The following TCF7L1 variants were observed in gnomAD, a reference collection of about 807,000 sequenced individuals.
The protein encoded by TCF7L1 is transcription factor 7-like 1.
In TCF7L1, 18 loss-of-function variants were observed where a neutral mutation model predicts 63.7. That is an observed-to-expected ratio of 0.28 (90% CI 0.20 to 0.42). The LOEUF (loss-of-function observed/expected upper bound fraction) is 0.42. Among genes scored for constraint, TCF7L1 ranks in the 10% least tolerant of loss-of-function variants. The pLI is 1.00. For missense variants in TCF7L1, 654 were observed against 779.3 expected, an observed-to-expected ratio of 0.84 and a Z score of 1.91; for synonymous variants, 355 against 340.9, an observed-to-expected ratio of 1.04 and a Z score of -0.46.
At chr2:85,267,437 G>A (rs1044146751) in intron 3 of TCF7L1, among the ~76,000 whole-genome samples, 2 of 151,682 alleles carry the variant, frequency 1.3e-5, no homozygotes, top group Admixed American at 1.3e-4. Context: ...ATCACTTGAG[G>A]TCAGGAGTTC....
At chr2:85,226,338 T>A (rs572914904) in intron 3 of TCF7L1, among the ~76,000 whole-genome samples, 2 of 152,274 alleles carry the variant, frequency 1.3e-5, no homozygotes, top group East Asian at 3.9e-4. Context: ...TTGGAATAGT[T>A]TCAGAAGGAA....
chr2:85,155,340 C>T (rs1678119251), intron 3 of TCF7L1, among the ~76,000 whole-genome samples: 1 of 152,236 alleles, frequency 6.6e-6, no homozygotes, highest in African/African-American at 2.4e-5. Flanking sequence ...CAGCCAGCAG[C>T]AGCAGCAACG....
At chr2:85,188,316 G>A (rs1375091123) in intron 3 of TCF7L1, among the ~76,000 whole-genome samples, 1 of 152,192 alleles carries the variant, frequency 6.6e-6, no homozygotes, top group East Asian at 1.9e-4. Context: ...AAAGTTCTGT[G>A]GAGTGTGCCA....
rs756729862 is a variant in TCF7L1, at chr2:85,306,243, A to C, written c.1027A>C (p.Lys343Gln). ...CACCGTGAAAAAGGAGGAGGAAAAGAAGCCCCACGTGAAGAAGCCTCTGAA... is the reference window on the plus strand; with the variant it reads ...CACCGTGAAAAAGGAGGAGGAAAAGCAGCCCCACGTGAAGAAGCCTCTGAA... ...PVTVKKEEEK[K>Q]PHVKKPLNAF... is the part of the protein sequence containing the mutation. The change falls in exon 9 of 12, where the codon AAG (lysine) becomes CAG (glutamine). Residue 343 changes from lysine (K) to glutamine (Q), a missense_variant. By Grantham distance (53) the Lys-to-Gln change is moderately conservative. Around this residue, in one of 3 missense-constraint regions of TCF7L1, gnomAD observed 66 missense variants for 120.5 expected, o/e 0.55. Coordinates refer to ENST00000282111, the MANE Select transcript of TCF7L1 (RefSeq NM_031283.3). The surrounding 1 kb of genome is among the most constrained non-coding windows in gnomAD (Gnocchi z 4.3). The C allele has an allele frequency of 8.1e-6, 13 of 1,614,108 alleles. No homozygotes were observed. Among genetic ancestry groups the C allele is most frequent in the Admixed American group, 1.7e-5 (1 of 60,012 alleles).
Position 85,232,052 on chromosome 2 carries a change from G to A in TCF7L1, c.442-51443G>A, listed in dbSNP as rs74418251. ...GGGTGTCATTTCTCATTGTCACACC[G>A]TTGAGAGTCCAGATCTTCATCATGT... On this transcript the variant is annotated intron_variant, in intron 3 of 11. Transcript: ENST00000282111. 4.7e-3 allele frequency among the ~76,000 whole-genome samples: 717 copies of A among 152,256 alleles called. 2 individuals are homozygous for A. Among genetic ancestry groups the A allele is most frequent in the Non-Finnish European group, 7.3e-3 (495 of 68,020 alleles).
At chr2:85,267,599 A>G (rs1681008139) in intron 3 of TCF7L1, among the ~76,000 whole-genome samples, 1 of 151,104 alleles carries the variant, frequency 6.6e-6, no homozygotes, top group Non-Finnish European at 1.5e-5. Flanking sequence ...CAGTGAGCCA[A>G]GATCGCACCA....
intron 8 of TCF7L1, 82 bp downstream of exon 8, chr2:85,305,485 T>G: frequency 6.8e-7 from 1 of 1,480,092 alleles, no homozygotes; most frequent in Non-Finnish European, 9.0e-7. Context: ...GCAAATGTCA[T>G]GTACTCTTCT....
intron 3 of TCF7L1, among the ~76,000 whole-genome samples, chr2:85,152,435 C>CTTTTTTT (rs67994195): frequency 7.6e-6 from 1 of 131,346 alleles, no homozygotes; most frequent in Non-Finnish European, 1.6e-5. Flanking sequence ...TTCTCTCTCT[C>CTTTTTTT]TCTTTTTTTT....
At chr2:85,199,144 A>G (rs1236142835) in intron 3 of TCF7L1, among the ~76,000 whole-genome samples, 1 of 152,140 alleles carries the variant, frequency 6.6e-6, no homozygotes, top group Admixed American at 6.5e-5. Context: ...GGGTGTCCCT[A>G]ATGTCCATGA....
In TCF7L1 at chr2:85,207,426, C is replaced by T. The variant is rs182966946; in HGVS notation, c.441+72976C>T. ...CAGGTTCCTCCTTTTTCCTTTCTCA[C>T]AGCACCCTTGGCACTTATCTGAAAC... is the stretch of plus-strand genomic sequence containing the variant. On this transcript the variant is annotated intron_variant, in intron 3 of 11. Coordinates refer to ENST00000282111, the MANE Select transcript of TCF7L1 (RefSeq NM_031283.3). Among the ~76,000 whole-genome samples, 267 of 152,220 alleles carry T rather than the reference C, an allele frequency of 1.8e-3. 2 individuals carry two copies. Among genetic ancestry groups the T allele is most frequent in the South Asian group, 8.3e-3 (40 of 4,814 alleles).
chr2:85,298,502 A>G (rs867466418), intron 4 of TCF7L1, among the ~76,000 whole-genome samples: 4 of 126,978 alleles, frequency 3.2e-5, no homozygotes, highest in Non-Finnish European at 5.1e-5. Flanking sequence ...AAAAAAAAAA[A>G]GCATGTGAGA....
intron 3 of TCF7L1, among the ~76,000 whole-genome samples, chr2:85,260,141 A>T (rs1357059092): frequency 6.6e-6 from 1 of 152,196 alleles, no homozygotes; most frequent in East Asian, 1.9e-4. Flanking sequence ...ATTAAGGCAA[A>T]CACTGCTTCA....
Position 85,229,020 on chromosome 2 carries a change from CA to C in TCF7L1, c.442-54456del, listed in dbSNP as rs1182542916. 3.7e-3 allele frequency among the ~76,000 whole-genome samples: 214 copies of C among 57,356 alleles called. 3 individuals are homozygous for C. Among genetic ancestry groups the C allele is most frequent in the Non-Finnish European group, 4.7e-3 (123 of 26,038 alleles). The allele number at this position is 57,356 out of a possible 152,430, so 37.6% of individuals were successfully genotyped here. A position where few individuals can be genotyped will look rare whatever the true frequency, so the allele number is the denominator to read the frequency against. ...TGGGCGACAGAGAGAGACTCTGTCT[CA>C]AAAAAAAAAAAAAAAAAAGAAAGGA... is the stretch of plus-strand genomic sequence containing the variant. On this transcript the variant is annotated intron_variant, in intron 3 of 11. Coordinates refer to ENST00000282111, the MANE Select transcript of TCF7L1 (RefSeq NM_031283.3).
At chr2:85,290,244 G>C (rs922656566) in intron 4 of TCF7L1, among the ~76,000 whole-genome samples, 51 of 152,168 alleles carry the variant, frequency 3.4e-4, no homozygotes, top group Non-Finnish European at 4.7e-4. Flanking sequence ...GCCTCCCAAA[G>C]TGCTGGAATT....
chr2:85,192,900 G>A (rs1456425412), intron 3 of TCF7L1, among the ~76,000 whole-genome samples: 1 of 151,736 alleles, frequency 6.6e-6, no homozygotes, highest in Non-Finnish European at 1.5e-5. Flanking sequence ...TGTTGCCCAG[G>A]CTGGTCTTGA....
Position 85,306,672 on chromosome 2 carries a change from A to AT in TCF7L1, c.1257+119dup. The stretch of plus-strand genomic sequence containing the variant: ...ATTTTTATTTATTTTATTTTCTTTT[A>AT]TTTTTTGAGACAGAGGCTCACCCTG... On this transcript the variant is annotated intron_variant, in intron 10 of 11. Transcript: ENST00000282111. The surrounding 1 kb of genome is among the most constrained non-coding windows in gnomAD (Gnocchi z 4.3). 1 of 913,892 alleles carries AT rather than the reference A, an allele frequency of 1.1e-6. No individual in the cohort carries two copies. The highest frequency in any genetic ancestry group is 1.6e-6 in the Non-Finnish European group (1 of 619,588). The allele number at this position is 913,892 out of a possible 1,614,324, so 56.6% of individuals were successfully genotyped here.
intron 3 of TCF7L1, among the ~76,000 whole-genome samples, chr2:85,240,501 G>A (rs754725676): frequency 2.0e-5 from 3 of 152,068 alleles, no homozygotes; most frequent in Non-Finnish European, 4.4e-5. Flanking sequence ...GCTGGGCATG[G>A]TGGCTCACAC....
chr2:85,255,097 C>T (rs1203627105), intron 3 of TCF7L1, among the ~76,000 whole-genome samples: 1 of 152,152 alleles, frequency 6.6e-6, no homozygotes, highest in Non-Finnish European at 1.5e-5. Flanking sequence ...TCTGAGGCCT[C>T]ACTGAGATGG....
intron 3 of TCF7L1, among the ~76,000 whole-genome samples, chr2:85,180,523 T>G (rs1678779921): frequency 6.6e-6 from 1 of 152,188 alleles, no homozygotes; most frequent in Non-Finnish European, 1.5e-5. Context: ...AGATTTCTTG[T>G]GGTTCCCATC....
Sources: allele counts gnomAD v4.1 joint callset (sites outside exome capture counted in the v4.1 genomes callset), GRCh38; gene constraint gnomAD v4.1.1; regional missense constraint gnomAD v4.1.1; non-coding constraint Gnocchi (gnomAD v3.1); transcripts MANE v1.5; gene names NCBI Gene and HGNC (gene_info 2026-07-23, HGNC 2026-07-21).